C3orf70: variants seen among roughly 807,000 people sequenced by gnomAD.
C3orf70 encodes the protein chromosome 3 open reading frame 70.
A neutral mutation model predicts 20.7 loss-of-function variants in C3orf70; 15 were observed. The observed-to-expected ratio is 0.72, with a 90% CI of 0.48 to 1.11. The LOEUF (loss-of-function observed/expected upper bound fraction) is 1.11. C3orf70 is among the 50% of genes most tolerant of loss of function. The probability of loss-of-function intolerance (pLI) is 0.00; values close to 1 mark genes in which losing one functional copy is unlikely to be tolerated. For missense variants in C3orf70, 332 were observed against 317.6 expected, an observed-to-expected ratio of 1.05 and a Z score of -0.34; for synonymous variants, 161 against 125.7, an observed-to-expected ratio of 1.28 and a Z score of -1.88.
Position 185,152,717 on chromosome 3 carries a change from TG to T in C3orf70, c.106del (p.Gln36SerfsTer26). 4 of 1,594,198 alleles carry T rather than the reference TG, an allele frequency of 2.5e-6. No homozygotes were observed. Among genetic ancestry groups the T allele is most frequent in the Non-Finnish European group, 3.4e-6 (4 of 1,170,950 alleles). On this transcript the variant is annotated frameshift_variant, in exon 1 of 2. Coordinates refer to ENST00000335012, the MANE Select transcript of C3orf70 (RefSeq NM_001025266.3). LOFTEE classifies it high-confidence loss of function. ...ACAGATAGACAGCCCGTCGCACGGC[TG>T]GAAGTCGGGTCTGCGGGCGGCGCAA... Reference protein sequence around the residue: ...RSCAARRPDFQPCDGLSICAT... With the variant: ...RSCAARRPDFXPCDGLSICAT...
chr3:185,102,179 C>T (rs1393472146), intron 1 of C3orf70, among the ~76,000 whole-genome samples: 2 of 152,180 alleles, frequency 1.3e-5, no homozygotes, highest in Non-Finnish European at 2.9e-5. Context: ...CCCACAGTCT[C>T]GGCCCAAAAG....
intron 1 of C3orf70, among the ~76,000 whole-genome samples, chr3:185,090,351 C>T (rs1370801169): frequency 6.6e-6 from 1 of 152,178 alleles, no homozygotes; most frequent in East Asian, 1.9e-4. Flanking sequence ...GTACCTTGCT[C>T]AACTATTTGA....
chr3:185,143,102 G>A (rs1438759243), intron 1 of C3orf70, among the ~76,000 whole-genome samples: 1 of 152,074 alleles, frequency 6.6e-6, no homozygotes, highest in Non-Finnish European at 1.5e-5. Flanking sequence ...ATTATCTTAG[G>A]TGTGAGTACA....
chr3:185,104,432 T>C (rs1715883691), intron 1 of C3orf70, among the ~76,000 whole-genome samples: 1 of 152,158 alleles, frequency 6.6e-6, no homozygotes, highest in African/African-American at 2.4e-5. Flanking sequence ...CTCAAAGACC[T>C]AAAAACAGAA....
chr3:185,113,285 C>CAAAAAAAAAAAAA (rs55966497), intron 1 of C3orf70, among the ~76,000 whole-genome samples: 1 of 138,502 alleles, frequency 7.2e-6, no homozygotes, highest in African/African-American at 2.7e-5. Flanking sequence ...CTAAAAAATA[C>CAAAAAAAAAAAAA]AAAAAAGAAA....
intron 1 of C3orf70, among the ~76,000 whole-genome samples, chr3:185,133,768 T>C (rs1716567973): frequency 6.6e-6 from 1 of 151,390 alleles, no homozygotes; most frequent in Admixed American, 6.6e-5. Flanking sequence ...ACAAAACACA[T>C]CTATTACACA....
At chr3:185,099,461 A>G (rs1028930241) in intron 1 of C3orf70, among the ~76,000 whole-genome samples, 1 of 152,232 alleles carries the variant, frequency 6.6e-6, no homozygotes, top group African/African-American at 2.4e-5. Flanking sequence ...TTTCATATCC[A>G]GGCAAACTAA....
At chr3:185,107,749 A>G (rs1715975600) in intron 1 of C3orf70, among the ~76,000 whole-genome samples, 1 of 152,368 alleles carries the variant, frequency 6.6e-6, no homozygotes, top group Middle Eastern at 3.4e-3. Context: ...CTGACTTAAG[A>G]GCCATCAATT....
intron 1 of C3orf70, among the ~76,000 whole-genome samples, chr3:185,091,359 G>A (rs1424442785): frequency 6.6e-6 from 1 of 152,122 alleles, no homozygotes; most frequent in Non-Finnish European, 1.5e-5. Context: ...GAAGACTGAG[G>A]CTGGATGGGG....
chr3:185,136,166 T>C (rs1315903967), intron 1 of C3orf70, among the ~76,000 whole-genome samples: 1 of 152,152 alleles, frequency 6.6e-6, no homozygotes, highest in Non-Finnish European at 1.5e-5. Flanking sequence ...GCTATATTAA[T>C]ATCAACTAAA....
In C3orf70 at chr3:185,120,903, T is replaced by G. The variant is rs550593842; in HGVS notation, c.196+31725A>C. ...GGGTATATACCCAGAAGAAAAGAAG[T>G]CATTATACAAAAAATATACTTGAAC... On this transcript the variant is annotated intron_variant, in intron 1 of 1. Transcript: ENST00000335012. Among the ~76,000 whole-genome samples the G allele has an allele frequency of 1.3e-4, 19 of 151,404 alleles. No homozygotes were observed. The East Asian group carries it at 1.7e-3, about 14-fold the overall frequency.
intron 1 of C3orf70, among the ~76,000 whole-genome samples, chr3:185,089,477 A>G (rs1715521161): frequency 6.6e-6 from 1 of 152,158 alleles, no homozygotes. Flanking sequence ...CATTTCTCCA[A>G]GGAGCCCTAG....
intron 1 of C3orf70, among the ~76,000 whole-genome samples, chr3:185,093,878 TCCCTCAGGA>T (rs1033413994): frequency 6.6e-6 from 1 of 151,810 alleles, no homozygotes; most frequent in African/African-American, 2.4e-5. Flanking sequence ...GATACAGTCA[TCCCTCAGGA>T]TCCTCAGGGG....
chr3:185,113,076 G>T (rs1036834271), intron 1 of C3orf70, among the ~76,000 whole-genome samples: 4 of 152,028 alleles, frequency 2.6e-5, no homozygotes, highest in African/African-American at 9.6e-5. Flanking sequence ...AATAAAGTAG[G>T]ACCATCTAAT....
In C3orf70 at chr3:185,079,189, G is replaced by A. The variant is rs773156529; in HGVS notation, c.*3818C>T. ...CCAGCTACTCAGGAGGCTGAGGCAG[G>A]AGAATGGCATGAACCTGGGAGGCAG... On this transcript the variant is annotated 3_prime_UTR_variant, in exon 2 of 2. Coordinates refer to ENST00000335012, the MANE Select transcript of C3orf70 (RefSeq NM_001025266.3). 1 of 150,382 alleles carries A rather than the reference G, an allele frequency of 6.6e-6. No homozygotes were observed. Among genetic ancestry groups the A allele is most frequent in the Non-Finnish European group, 1.5e-5 (1 of 67,898 alleles). The allele number at this position is 150,382 out of a possible 1,614,324, so 9.3% of individuals were successfully genotyped here.
intron 1 of C3orf70, among the ~76,000 whole-genome samples, chr3:185,129,164 G>T (rs1285003164): frequency 3.3e-5 from 5 of 152,034 alleles, no homozygotes; most frequent in Non-Finnish European, 5.9e-5. Flanking sequence ...GGTAACATGG[G>T]TATACTGCAC....
At chr3:185,099,499 C>G (rs1030537105) in intron 1 of C3orf70, among the ~76,000 whole-genome samples, 1 of 152,160 alleles carries the variant, frequency 6.6e-6, no homozygotes, top group African/African-American at 2.4e-5. Context: ...GAAATAAGAT[C>G]CTTTTCAGAC....
At chr3:185,130,637 T>C (rs1260664665) in intron 1 of C3orf70, among the ~76,000 whole-genome samples, 1 of 152,198 alleles carries the variant, frequency 6.6e-6, no homozygotes, top group African/African-American at 2.4e-5. Flanking sequence ...CCCTGGTCCA[T>C]CGCAACCCCT....
intron 1 of C3orf70, among the ~76,000 whole-genome samples, chr3:185,130,878 G>T (rs1716510403): frequency 6.6e-6 from 1 of 151,960 alleles, no homozygotes; most frequent in African/African-American, 2.4e-5. Flanking sequence ...TGGACTTTTG[G>T]GTTCTTTCTA....
Sources: allele counts gnomAD v4.1 joint callset (sites outside exome capture counted in the v4.1 genomes callset), GRCh38; gene constraint gnomAD v4.1.1; transcripts MANE v1.5; gene names NCBI Gene and HGNC (gene_info 2026-07-23, HGNC 2026-07-21).